The following PDE4C variants were observed in gnomAD, a reference collection of about 807,000 sequenced individuals.
PDE4C encodes 3',5'-cyclic-AMP phosphodiesterase 4C.
Under a neutral mutation model 63.9 loss-of-function variants are expected in PDE4C, and 50 were observed. That is an observed-to-expected ratio of 0.78 (90% CI 0.62 to 0.99). The LOEUF (loss-of-function observed/expected upper bound fraction) is 0.99, where lower values mean the gene tolerates loss of function less well. Among genes scored for constraint, PDE4C ranks in the 50% least tolerant of loss-of-function variants. PDE4C has a pLI of 0.00. For synonymous variants in PDE4C, 377 were observed against 385.1 expected (o/e 0.98, Z 0.25); for missense variants, 777 against 899.1 (o/e 0.86, Z 1.74).
At chr19:18,230,271 C>A (rs1266725598), upstream of PDE4C, among the ~76,000 whole-genome samples, 1 of 152,158 alleles carries the variant, frequency 6.6e-6, no homozygotes, top group Non-Finnish European at 1.5e-5. Flanking sequence ...TCTGGGAGGC[C>A]ACGGTATGTG....
At chr19:18,233,221 G>A in exon 1 of PDE4C, 1 of 1,550,178 alleles carries the variant, frequency 6.5e-7, no homozygotes, top group Non-Finnish European at 8.7e-7. Context: ...GGGATAGCAG[G>A]GAGCAGGACT....
chr19:18,250,148 G>A (rs559608233), upstream of PDE4C: 55 of 398,674 alleles, frequency 1.4e-4, no homozygotes, highest in African/African-American at 1.1e-3. Flanking sequence ...GGAGGTGGTG[G>A]GCAAAGGACA....
At chr19:18,229,453 C>T (rs1487527144), upstream of PDE4C, among the ~76,000 whole-genome samples, 1 of 152,146 alleles carries the variant, frequency 6.6e-6, no homozygotes, top group Non-Finnish European at 1.5e-5. Flanking sequence ...GTTGGCCAGG[C>T]TGGTCTTGAA....
intron 4 of PDE4C, 23 bp downstream of exon 4, chr19:18,221,077 CCCCCG>C: frequency 4.2e-6 from 6 of 1,422,284 alleles, no homozygotes; most frequent in Non-Finnish European, 4.8e-6. Context: ...GCCGGCCCCG[CCCCCG>C]CCCCGCCCCG....
rs1568668803 is a variant in PDE4C at position 18,220,545 on chromosome 19, CA to C, written c.500-31del. On this transcript the variant is annotated intron_variant, in intron 5 of 14. Coordinates refer to ENST00000262805, the Ensembl canonical transcript of PDE4C. This position sits in a 1 kb window ranked among gnomAD's most constrained non-coding sequence, Gnocchi z 5.1. ...GAGCCGAGGCAGTCAGGGGCCTGCC[CA>C]ACCCCCCCGCTCAGGGACCCCACGC... is the stretch of plus-strand genomic sequence containing the variant. The C allele has an allele frequency of 6.5e-7, 1 of 1,535,966 alleles. No homozygotes were observed. Among genetic ancestry groups the C allele is most frequent in the Non-Finnish European group, 8.8e-7 (1 of 1,131,552 alleles).
intron 13 of PDE4C, among the ~76,000 whole-genome samples, chr19:18,212,217 G>A (rs56246239): frequency 6.6e-6 from 1 of 151,308 alleles, no homozygotes; most frequent in African/African-American, 2.4e-5. Context: ...AGGGTCTCAC[G>A]CTGTGACCCT....
intron 12 of PDE4C, among the ~76,000 whole-genome samples, chr19:18,215,061 C>T (rs1198927929): frequency 2.0e-5 from 3 of 152,056 alleles, no homozygotes; most frequent in East Asian, 3.9e-4. Flanking sequence ...CTCAAAACTT[C>T]TCCTCAAATC....
chr19:18,250,923 G>A (rs528661314), upstream of PDE4C, among the ~76,000 whole-genome samples: 21 of 152,000 alleles, frequency 1.4e-4, no homozygotes, highest in Middle Eastern at 6.8e-3. Context: ...ACAAGTGTGT[G>A]CCACCACACC....
At chr19:18,234,040 G>A (rs1968905559), upstream of PDE4C, among the ~76,000 whole-genome samples, 1 of 152,318 alleles carries the variant, frequency 6.6e-6, no homozygotes, top group South Asian at 2.1e-4. Context: ...GGGCTCCCAT[G>A]TCTGGGATGG....
At chr19:18,224,838 G>C (rs563425878) in intron 1 of PDE4C, among the ~76,000 whole-genome samples, 8 of 152,254 alleles carry the variant, frequency 5.3e-5, no homozygotes, top group Non-Finnish European at 1.2e-4. Flanking sequence ...CGTGGGCGCT[G>C]TGGTGCAATG....
rs944860855 is a variant in PDE4C at position 18,232,869 on chromosome 19, A to G, written c.242+81T>C. ...AGCAGAGACCCCCGCCCCCTGGAGA[A>G]GCAAGGACCCTCCCCCACTCCCGCC... On this transcript the variant is annotated intron_variant, in intron 1 of 14. Coordinates refer to the PDE4C transcript ENST00000594465. 163 of 1,377,744 alleles carry G rather than the reference A, an allele frequency of 1.2e-4. No homozygotes were observed. The African/African-American group carries it at 2.1e-3, about 17-fold the overall frequency. 85.3% of individuals were successfully genotyped at this position (1,377,744 alleles called of 1,614,324 possible). A position where few individuals can be genotyped will look rare whatever the true frequency, so the allele number is the denominator to read the frequency against.
chr19:18,216,361 G>A (rs747268070), intron 12 of PDE4C, among the ~76,000 whole-genome samples: 1 of 149,856 alleles, frequency 6.7e-6, no homozygotes, highest in Non-Finnish European at 1.5e-5. Context: ...TACAGCCTCC[G>A]CCTCCTGGGT....
exon 1 of PDE4C, chr19:18,233,088 T>C: frequency 3.8e-6 from 6 of 1,570,754 alleles, no homozygotes; most frequent in Non-Finnish European, 5.2e-6. Context: ...GCGCCGGGGT[T>C]GCCGCCACAG....
intron 1 of PDE4C, among the ~76,000 whole-genome samples, chr19:18,239,957 T>C (rs900335290): frequency 5.9e-5 from 9 of 151,676 alleles, no homozygotes; most frequent in Admixed American, 3.3e-4. Flanking sequence ...ACCCAGGGGG[T>C]AGAGGTTGCA....
At position 18,216,555 on chromosome 19, in the gene PDE4C, A is replaced by G. The variant is rs535592717; in HGVS notation, c.1389+186T>C. 1.2e-3 allele frequency among the ~76,000 whole-genome samples: 185 copies of G among 152,026 alleles called. 1 individual carries two copies. The highest frequency in any genetic ancestry group is 4.1e-3 in the African/African-American group (170 of 41,462). On this transcript the variant is annotated intron_variant, in intron 12 of 14. Transcript: ENST00000262805. ...TTCCCAAAGTGTTAGGATTACAGGCATGAGCCACCGCCCCTGGCCCCACTG... is the reference window on the plus strand; with the variant it reads ...TTCCCAAAGTGTTAGGATTACAGGCGTGAGCCACCGCCCCTGGCCCCACTG...
At chr19:18,218,149 T>G (rs1467687779) in exon 11 of PDE4C, 3 of 1,611,044 alleles carry the variant, frequency 1.9e-6, no homozygotes, top group Non-Finnish European at 1.7e-6. Context: ...TCCTACTTAC[T>G]GGTGTTAATC....
the PDE4C span, chr19:18,255,240 T>C: frequency 5.0e-6 from 2 of 398,886 alleles, no homozygotes; most frequent in East Asian, 7.1e-5. The surrounding 1 kb of genome is among the most constrained non-coding windows in gnomAD (Gnocchi z 4.6). Context: ...AGTATTGTAA[T>C]TCACACCAGC....
chr19:18,233,721 T>C (rs190701975), upstream of PDE4C: 4 of 340,482 alleles, frequency 1.2e-5, no homozygotes, highest in Admixed American at 1.2e-4. Flanking sequence ...GACCTGATGG[T>C]GCTGAAGGCA....
At chr19:18,219,697 A>C in intron 7 of PDE4C, 1 of 297,234 alleles carries the variant, frequency 3.4e-6, no homozygotes, top group South Asian at 5.7e-5. Context: ...GGTGGCAGGC[A>C]CCTGTAACCC....
Sources: allele counts gnomAD v4.1 joint callset (sites outside exome capture counted in the v4.1 genomes callset), GRCh38; gene constraint gnomAD v4.1.1; non-coding constraint Gnocchi (gnomAD v3.1); transcripts MANE v1.5; gene names NCBI Gene and HGNC (gene_info 2026-07-23, HGNC 2026-07-21).